SEPTIN8: variants seen among roughly 807,000 people sequenced by gnomAD.
SEPTIN8 encodes the protein septin 8.
Under a neutral mutation model 53.1 loss-of-function variants are expected in SEPTIN8, and 22 were observed. The ratio of observed to expected loss-of-function variants is 0.41; its 90% confidence interval spans 0.30 to 0.59. The LOEUF (loss-of-function observed/expected upper bound fraction) is 0.59. Ranked by LOEUF, SEPTIN8 falls within the 20% of genes least tolerant of loss-of-function variation. SEPTIN8 has a pLI of 0.24. For missense variants in SEPTIN8, 536 were observed against 638.7 expected (o/e 0.84, Z 1.73); for synonymous variants, 228 against 248.4 (o/e 0.92, Z 0.77).
intron 1 of SEPTIN8, among the ~76,000 whole-genome samples, chr5:132,771,196 G>A (rs916022467): frequency 6.6e-6 from 1 of 152,176 alleles, no homozygotes; most frequent in African/African-American, 2.4e-5. Context: ...GGTGGGATCT[G>A]GGAAGAAACT....
intron 1 of SEPTIN8, among the ~76,000 whole-genome samples, chr5:132,765,762 C>G (rs994814429): frequency 3.9e-5 from 6 of 152,234 alleles, no homozygotes; most frequent in Non-Finnish European, 8.8e-5. Flanking sequence ...TAGCTTTGCT[C>G]CACCTGGGAT....
At chr5:132,772,943 G>T (rs1433504582) in intron 1 of SEPTIN8, among the ~76,000 whole-genome samples, 2 of 152,178 alleles carry the variant, frequency 1.3e-5, no homozygotes, top group African/African-American at 4.8e-5. Context: ...TCCTCTGCTG[G>T]TTCTGTCCCT....
At chr5:132,756,918 T>C in intron 9 of SEPTIN8, 1 of 985,464 alleles carries the variant, frequency 1.0e-6, no homozygotes, top group Non-Finnish European at 1.2e-6. Context: ...AGGCCTCATC[T>C]TCATAAATAT....
rs1359685941 is a variant in SEPTIN8 at position 132,760,162 on chromosome 5, T to G, written c.1286+640A>C. ...GTGACCAGTCTCCAGGAGGCCAGTG[T>G]TGGCTGGCGCGAGTGCCCGCAGTTC... On this transcript the variant is annotated intron_variant, in intron 9 of 9. Transcript: ENST00000378719. This position sits in a 1 kb window ranked among gnomAD's most constrained non-coding sequence, Gnocchi z 5.2. Among the ~76,000 whole-genome samples the G allele has an allele frequency of 1.3e-5, 2 of 152,240 alleles. No individual in the cohort carries two copies. Among genetic ancestry groups the G allele is most frequent in the East Asian group, 3.9e-4 (2 of 5,148 alleles).
intron 1 of SEPTIN8, among the ~76,000 whole-genome samples, chr5:132,775,026 G>A (rs1757658486): frequency 6.6e-6 from 1 of 152,210 alleles, no homozygotes. Flanking sequence ...CCAGGAGGCT[G>A]ACAGCCCAAA....
Position 132,751,317 on chromosome 5 carries a change from A to T in SEPTIN8, c.*699T>A, listed in dbSNP as rs1035011309. On this transcript the variant is annotated 3_prime_UTR_variant, in exon 10 of 10. Coordinates refer to ENST00000378719, the MANE Select transcript of SEPTIN8 (RefSeq NM_001098811.2). Reference sequence around the variant, plus strand: ...TCCATTCTATGAATACTGTACATAAATATCTGTCTGCTTTTGCTACACTTT... The same window carrying T: ...TCCATTCTATGAATACTGTACATAATTATCTGTCTGCTTTTGCTACACTTT... 4.1e-6 allele frequency: 1 copy of T among 246,458 alleles called. No individual in the cohort carries two copies. The highest frequency in any genetic ancestry group is 7.7e-6 in the Non-Finnish European group (1 of 129,212). The allele number at this position is 246,458 out of a possible 1,614,324, so 15.3% of individuals were successfully genotyped here.
At chr5:132,779,757 CT>C (rs1160289861), upstream of SEPTIN8, among the ~76,000 whole-genome samples, 2 of 152,032 alleles carry the variant, frequency 1.3e-5, no homozygotes, top group East Asian at 1.9e-4. Context: ...TCTTTAAAAA[CT>C]TTTTTTTAAC....
chr5:132,779,469 C>A (rs958214622), upstream of SEPTIN8, among the ~76,000 whole-genome samples: 2 of 152,192 alleles, frequency 1.3e-5, no homozygotes, highest in African/African-American at 4.8e-5. Context: ...TACAGCTCTA[C>A]CCACACTTTG....
At chr5:132,756,243 A>G in intron 9 of SEPTIN8, 1 of 985,412 alleles carries the variant, frequency 1.0e-6, no homozygotes, top group Non-Finnish European at 1.2e-6. Flanking sequence ...ACAATTACAA[A>G]CCACCTAGAT....
At chr5:132,758,462 A>G in intron 9 of SEPTIN8, 2 of 1,603,396 alleles carry the variant, frequency 1.2e-6, no homozygotes, top group South Asian at 1.1e-5. Flanking sequence ...CTGAACAATT[A>G]GGCCTAGCAT....
In SEPTIN8 at chr5:132,757,799, G is replaced by A. The variant is rs556611775; in HGVS notation, c.1286+3003C>T. Reference sequence around the variant, plus strand: ...TGTTCCCCTTTAGAGTGCAGCTGAAGGGGAAAGCTCCTTTGCCGCTCATTT... The same window carrying A: ...TGTTCCCCTTTAGAGTGCAGCTGAAAGGGAAAGCTCCTTTGCCGCTCATTT... On this transcript the variant is annotated intron_variant, in intron 9 of 9. Coordinates refer to ENST00000378719, the MANE Select transcript of SEPTIN8 (RefSeq NM_001098811.2). 10 of 985,412 alleles carry A rather than the reference G, an allele frequency of 1.0e-5. No individual in the cohort carries two copies. The African/African-American group carries it at 1.6e-4, about 15-fold the overall frequency. The allele number at this position is 985,412 out of a possible 1,614,324, so 61.0% of individuals were successfully genotyped here.
chr5:132,764,048 A>G (rs1390965884), intron 3 of SEPTIN8, 156 bp from the exon 4 acceptor site: 2 of 952,502 alleles, frequency 2.1e-6, no homozygotes, highest in African/African-American at 3.3e-5. Flanking sequence ...CAGGCAGCTG[A>G]CCCCTTCTCC....
rs561428457 is a variant in SEPTIN8 at position 132,760,718 on chromosome 5, G to A, written c.1286+84C>T. The A allele has an allele frequency of 3.1e-6, 4 of 1,295,732 alleles. No individual in the cohort carries two copies. The highest frequency in any genetic ancestry group is 1.4e-5 in the South Asian group (1 of 74,050). The allele number at this position is 1,295,732 out of a possible 1,614,324, so 80.3% of individuals were successfully genotyped here. On this transcript the variant is annotated intron_variant, in intron 9 of 9. Coordinates refer to ENST00000378719, the MANE Select transcript of SEPTIN8 (RefSeq NM_001098811.2). This position sits in a 1 kb window ranked among gnomAD's most constrained non-coding sequence, Gnocchi z 5.2. ...GGGGTAAGAGAGGGCGAGCAGGAGA[G>A]CGAGAAGGGAGGTGAGGGACAAGAA...
intron 1 of SEPTIN8, among the ~76,000 whole-genome samples, chr5:132,768,380 G>A (rs1756845211): frequency 6.6e-6 from 1 of 152,164 alleles, no homozygotes; most frequent in Admixed American, 6.5e-5. Flanking sequence ...GTTGTTACCT[G>A]GTCCCAGGAG....
chr5:132,758,126 A>G, intron 9 of SEPTIN8: 1 of 1,022,808 alleles, frequency 9.8e-7, no homozygotes, highest in Non-Finnish European at 1.2e-6. Flanking sequence ...TTCCATCCAT[A>G]AAGAAATGCC....
chr5:132,751,844 T>A lies in SEPTIN8; in HGVS notation c.*172A>T. The A allele has an allele frequency of 8.3e-7, 1 of 1,203,190 alleles. No homozygotes were observed. Among genetic ancestry groups the A allele is most frequent in the Non-Finnish European group, 1.2e-6 (1 of 864,026 alleles). 74.5% of individuals were successfully genotyped at this position (1,203,190 alleles called of 1,614,324 possible). A position where few individuals can be genotyped will look rare whatever the true frequency, so the allele number is the denominator to read the frequency against. ...CCCCTTACGGAGCCATGGATAGGAA[T>A]GAAAAGGGTTGGGCAACATTTGATG... On this transcript the variant is annotated 3_prime_UTR_variant, in exon 10 of 10. Transcript: ENST00000378719.
At chr5:132,752,910 G>A (rs758409614) in intron 9 of SEPTIN8, 2 of 1,614,054 alleles carry the variant, frequency 1.2e-6, no homozygotes, top group African/African-American at 1.3e-5. Flanking sequence ...TTGTAATGCA[G>A]CAACTGAGAA....
chr5:132,768,501 G>A (rs1304841208), intron 1 of SEPTIN8, among the ~76,000 whole-genome samples: 1 of 152,214 alleles, frequency 6.6e-6, no homozygotes, highest in Non-Finnish European at 1.5e-5. Context: ...ACTCCAGGGT[G>A]CCTGCTCCAG....
chr5:132,753,363 T>C (rs530150177), intron 9 of SEPTIN8: 1 of 223,148 alleles, frequency 4.5e-6, no homozygotes, highest in South Asian at 8.1e-5. Flanking sequence ...GGGCTGGGGC[T>C]AGCTCTGACC....
Sources: allele counts gnomAD v4.1 joint callset (sites outside exome capture counted in the v4.1 genomes callset), GRCh38; gene constraint gnomAD v4.1.1; non-coding constraint Gnocchi (gnomAD v3.1); transcripts MANE v1.5; gene names NCBI Gene and HGNC (gene_info 2026-07-23, HGNC 2026-07-21).